Variants in ENOX1 observed in about 807,000 individuals in gnomAD.
ENOX1 encodes the protein ecto-NOX disulfide-thiol exchanger 1.
In ENOX1, 42 loss-of-function variants were observed where a neutral mutation model predicts 82.5. The observed-to-expected ratio is 0.51, with a 90% confidence interval of 0.40 to 0.66. The LOEUF is 0.66. ENOX1 is among the 30% of genes least tolerant of loss of function. The pLI is 0.00. For missense variants in ENOX1, 608 were observed against 811.6 expected (o/e 0.75, Z 3.05); for synonymous variants, 271 against 282.2 (o/e 0.96, Z 0.40).
chr13:43,527,317 G>A (rs1460085252), intron 2 of ENOX1, among the ~76,000 whole-genome samples: 1 of 152,046 alleles, frequency 6.6e-6, no homozygotes, highest in Non-Finnish European at 1.5e-5. Flanking sequence ...ACCTCATACT[G>A]TGTGCTTCAT....
chr13:43,378,324 A>C (rs1461130560), intron 5 of ENOX1, among the ~76,000 whole-genome samples: 1 of 152,208 alleles, frequency 6.6e-6, no homozygotes, highest in African/African-American at 2.4e-5. Flanking sequence ...GGCAGCTTAG[A>C]GTTCATAGGG....
intron 3 of ENOX1, among the ~76,000 whole-genome samples, chr13:43,468,833 T>C (rs2057861599): frequency 6.6e-6 from 1 of 152,210 alleles, no homozygotes; most frequent in African/African-American, 2.4e-5. Flanking sequence ...CTGCTTTTGT[T>C]AAGTTTATTC....
At chr13:43,379,245 G>A (rs1295922244) in intron 5 of ENOX1, among the ~76,000 whole-genome samples, 1 of 152,034 alleles carries the variant, frequency 6.6e-6, no homozygotes, top group Non-Finnish European at 1.5e-5. Context: ...GTGGCTACCT[G>A]TTATAGCAAT....
At chr13:43,473,146 G>T (rs759221566) in intron 3 of ENOX1, among the ~76,000 whole-genome samples, 27 of 152,078 alleles carry the variant, frequency 1.8e-4, no homozygotes, top group Admixed American at 7.2e-4. Flanking sequence ...TCTCAATTTA[G>T]TAATCTTTCT....
chr13:43,319,626 T>A (rs181362045), intron 11 of ENOX1, among the ~76,000 whole-genome samples: 2 of 152,238 alleles, frequency 1.3e-5, no homozygotes, highest in South Asian at 4.2e-4. Context: ...CAAGCAAAGC[T>A]GGCCCTGGGG....
intron 11 of ENOX1, among the ~76,000 whole-genome samples, chr13:43,315,802 C>G (rs999808195): frequency 6.6e-6 from 1 of 152,160 alleles, no homozygotes; most frequent in Non-Finnish European, 1.5e-5. Flanking sequence ...CAGTGTCCTT[C>G]AAGCCTGCTA....
At chr13:43,635,753 G>T (rs1354952298) in intron 2 of ENOX1, among the ~76,000 whole-genome samples, 4 of 152,168 alleles carry the variant, frequency 2.6e-5, no homozygotes, top group Non-Finnish European at 5.9e-5. Context: ...GAGACAGAGA[G>T]ATAAAGGAGA....
At chr13:43,596,496 T>G (rs2081479400) in intron 2 of ENOX1, among the ~76,000 whole-genome samples, 2 of 152,264 alleles carry the variant, frequency 1.3e-5, no homozygotes, top group Non-Finnish European at 2.9e-5. Context: ...TTCTGGCTTT[T>G]AGACATGGAA....
At chr13:43,432,455 A>G (rs1043823300) in intron 3 of ENOX1, among the ~76,000 whole-genome samples, 5 of 152,098 alleles carry the variant, frequency 3.3e-5, no homozygotes, top group Non-Finnish European at 5.9e-5. Context: ...CCTGGCCAAC[A>G]TGGTGAAACC....
At chr13:43,227,685 A>G (rs977901983) in intron 15 of ENOX1, among the ~76,000 whole-genome samples, 3 of 152,208 alleles carry the variant, frequency 2.0e-5, no homozygotes, top group Non-Finnish European at 4.4e-5. Context: ...TCAGATTAGA[A>G]GTCCTGACGT....
intron 9 of ENOX1, among the ~76,000 whole-genome samples, chr13:43,343,472 T>C (rs1394623854): frequency 6.6e-6 from 1 of 152,234 alleles, no homozygotes; most frequent in Non-Finnish European, 1.5e-5. Flanking sequence ...CTTATCGGAA[T>C]TTACATTTGG....
chr13:43,223,545 C>T (rs765561727), intron 16 of ENOX1, among the ~76,000 whole-genome samples: 1 of 152,142 alleles, frequency 6.6e-6, no homozygotes, highest in African/African-American at 2.4e-5. Context: ...TGGAGGGGCA[C>T]AGCTGAGAAG....
intron 5 of ENOX1, among the ~76,000 whole-genome samples, chr13:43,382,391 T>G (rs572752518): frequency 7.2e-5 from 11 of 152,284 alleles, no homozygotes; most frequent in Admixed American, 2.6e-4. Context: ...ATGATCATAC[T>G]TAAAATGGTA....
At chr13:43,625,229 C>A (rs2082911936) in intron 2 of ENOX1, among the ~76,000 whole-genome samples, 1 of 151,956 alleles carries the variant, frequency 6.6e-6, no homozygotes, top group Non-Finnish European at 1.5e-5. Context: ...TATCTTGCAA[C>A]CTTGCTGAGC....
At chr13:43,656,603 A>G (rs545199701) in intron 2 of ENOX1, among the ~76,000 whole-genome samples, 2 of 152,316 alleles carry the variant, frequency 1.3e-5, no homozygotes, top group African/African-American at 4.8e-5. Context: ...CTAAAAGTAT[A>G]AACCTTTGAG....
chr13:43,583,567 T>G (rs531473643), intron 2 of ENOX1, among the ~76,000 whole-genome samples: 3 of 152,220 alleles, frequency 2.0e-5, no homozygotes, highest in Non-Finnish European at 4.4e-5. Context: ...TGTCTAAACT[T>G]CCTCCCAGTT....
At chr13:43,307,748 C>G (rs2046948342) in intron 11 of ENOX1, among the ~76,000 whole-genome samples, 2 of 152,232 alleles carry the variant, frequency 1.3e-5, no homozygotes, top group Non-Finnish European at 2.9e-5. Flanking sequence ...GTAAATCCTA[C>G]AGGCAGTGTC....
At chr13:43,339,331 G>A (rs552921552) in intron 9 of ENOX1, among the ~76,000 whole-genome samples, 5 of 152,322 alleles carry the variant, frequency 3.3e-5, no homozygotes, top group Non-Finnish European at 5.9e-5. Flanking sequence ...ATGAAAGCAA[G>A]AACAAGTACA....
chr13:43,281,502 A>ACT (rs1355761692), intron 12 of ENOX1, among the ~76,000 whole-genome samples: 2 of 151,292 alleles, frequency 1.3e-5, no homozygotes, highest in Non-Finnish European at 3.0e-5. Context: ...GAAAATTAAG[A>ACT]GAAATTAGAG....
Sources: allele counts gnomAD v4.1 joint callset (sites outside exome capture counted in the v4.1 genomes callset), GRCh38; gene constraint gnomAD v4.1.1; transcripts MANE v1.5; gene names NCBI Gene and HGNC (gene_info 2026-07-23, HGNC 2026-07-21).